Variants in SCFD2 observed in about 807,000 individuals in gnomAD.
The protein encoded by SCFD2 is sec1 family domain containing 2, also known as sec1 family domain-containing protein 2.
SCFD2 carries 54 observed loss-of-function variants against 58.9 expected under a neutral mutation model. The observed-to-expected ratio is 0.92, with a 90% CI of 0.74 to 1.15. The LOEUF (loss-of-function observed/expected upper bound fraction) is 1.15, where lower values mean the gene tolerates loss of function less well. SCFD2 is among the 50% of genes most tolerant of loss of function. The probability of loss-of-function intolerance (pLI) is 0.00; values close to 1 mark genes in which losing one functional copy is unlikely to be tolerated. For synonymous variants in SCFD2, 321 were observed against 335.9 expected (o/e 0.96, Z 0.49); for missense variants, 805 against 836.6 (o/e 0.96, Z 0.47).
chr4:52,887,013 T>C (rs1718756095), intron 7 of SCFD2, among the ~76,000 whole-genome samples: 1 of 152,258 alleles, frequency 6.6e-6, no homozygotes, highest in Non-Finnish European at 1.5e-5. Flanking sequence ...TTTGTTTACT[T>C]GTTGGCCATC....
At chr4:53,188,423 G>A (rs1399406658) in intron 4 of SCFD2, among the ~76,000 whole-genome samples, 737 of 37,844 alleles carry the variant, frequency 0.019, 4 homozygotes, top group Non-Finnish European at 0.033. Flanking sequence ...AAACTGGTGT[G>A]TGTGTGTGTG....
chr4:53,287,366 GAAA>G (rs1313335190), intron 3 of SCFD2, among the ~76,000 whole-genome samples: 3 of 152,104 alleles, frequency 2.0e-5, no homozygotes, highest in African/African-American at 7.2e-5. Context: ...CAACTGTGGG[GAAA>G]AAGAGAATAG....
At chr4:53,214,463 A>C (rs940113656) in intron 4 of SCFD2, among the ~76,000 whole-genome samples, 1 of 152,024 alleles carries the variant, frequency 6.6e-6, no homozygotes, top group Non-Finnish European at 1.5e-5. Flanking sequence ...TCTTTTGAGA[A>C]GTGTCTGTTC....
chr4:52,961,730 T>C (rs1720856269), intron 5 of SCFD2, among the ~76,000 whole-genome samples: 1 of 152,048 alleles, frequency 6.6e-6, no homozygotes, highest in Non-Finnish European at 1.5e-5. Context: ...ATGACAGAGG[T>C]AACATTTTAG....
intron 4 of SCFD2, among the ~76,000 whole-genome samples, chr4:53,251,287 C>G (rs1203834466): frequency 1.3e-5 from 2 of 151,976 alleles, no homozygotes; most frequent in Non-Finnish European, 2.9e-5. Context: ...GATTCACAGC[C>G]GAATTCTACC....
At chr4:53,224,444 T>A (rs969535467) in intron 4 of SCFD2, among the ~76,000 whole-genome samples, 1 of 151,824 alleles carries the variant, frequency 6.6e-6, no homozygotes, top group African/African-American at 2.4e-5. Flanking sequence ...GAACAATTTC[T>A]CTGGATACCT....
chr4:53,081,070 C>T (rs1724133187), intron 5 of SCFD2, among the ~76,000 whole-genome samples: 1 of 152,100 alleles, frequency 6.6e-6, no homozygotes, highest in South Asian at 2.1e-4. Context: ...TACGATCCAC[C>T]TCCTAATGCC....
At chr4:53,181,365 A>C (rs997495337) in intron 4 of SCFD2, among the ~76,000 whole-genome samples, 1 of 152,222 alleles carries the variant, frequency 6.6e-6, no homozygotes, top group African/African-American at 2.4e-5. Context: ...ACAAATCAAT[A>C]AATGTAATCC....
At chr4:53,016,555 ATTC>A (rs899312443) in intron 5 of SCFD2, among the ~76,000 whole-genome samples, 2 of 152,212 alleles carry the variant, frequency 1.3e-5, no homozygotes, top group African/African-American at 4.8e-5. Context: ...ATGCTTCAAG[ATTC>A]TTCTTTAGCT....
intron 4 of SCFD2, among the ~76,000 whole-genome samples, chr4:53,261,612 C>A (rs1434500265): frequency 1.3e-5 from 2 of 152,064 alleles, no homozygotes; most frequent in Non-Finnish European, 2.9e-5. Flanking sequence ...TATTTTCTTA[C>A]ATTTACTGAG....
chr4:52,886,321 C>T (rs541530057), intron 7 of SCFD2, among the ~76,000 whole-genome samples: 9 of 152,194 alleles, frequency 5.9e-5, no homozygotes, highest in Non-Finnish European at 8.8e-5. Flanking sequence ...CACCTGACTT[C>T]GGTTGGGGGA....
At chr4:53,078,681 G>C (rs1202111688) in intron 5 of SCFD2, among the ~76,000 whole-genome samples, 1 of 152,164 alleles carries the variant, frequency 6.6e-6, no homozygotes, top group Non-Finnish European at 1.5e-5. Context: ...CTAAGGTACA[G>C]AGAGGTTAAA....
At chr4:53,030,688 C>T (rs1310819752) in intron 5 of SCFD2, among the ~76,000 whole-genome samples, 2 of 152,154 alleles carry the variant, frequency 1.3e-5, no homozygotes, top group African/African-American at 2.4e-5. Context: ...TCCCAAAGTG[C>T]TGAGATCACA....
chr4:52,931,023 A>T (rs542711694), intron 5 of SCFD2, among the ~76,000 whole-genome samples: 12 of 152,302 alleles, frequency 7.9e-5, no homozygotes. Flanking sequence ...GTATACAGCC[A>T]CTTACGCCAG....
At chr4:52,995,819 C>T (rs968494956) in intron 5 of SCFD2, among the ~76,000 whole-genome samples, 1 of 152,208 alleles carries the variant, frequency 6.6e-6, no homozygotes, top group Non-Finnish European at 1.5e-5. Flanking sequence ...ATGCATTCCA[C>T]TGCTGTGTTA....
intron 3 of SCFD2, among the ~76,000 whole-genome samples, chr4:53,290,458 T>C (rs993647671): frequency 6.6e-6 from 1 of 152,104 alleles, no homozygotes; most frequent in African/African-American, 2.4e-5. Flanking sequence ...TCTTACCCTA[T>C]AGGTGAAGCA....
chr4:52,976,830 C>T (rs4864440), intron 5 of SCFD2, among the ~76,000 whole-genome samples: 63,299 of 151,994 alleles, frequency 0.42, 13,793 homozygotes, highest in Admixed American at 0.55. Flanking sequence ...GATTTTGGCA[C>T]TGGCTCTGAG....
At chr4:52,934,443 T>C (rs891264890) in intron 5 of SCFD2, among the ~76,000 whole-genome samples, 3 of 152,196 alleles carry the variant, frequency 2.0e-5, no homozygotes, top group African/African-American at 7.2e-5. Context: ...CACATAATTA[T>C]TCTGGAAAAA....
At chr4:52,876,920 T>A (rs1006608468) in intron 8 of SCFD2, among the ~76,000 whole-genome samples, 57 of 152,230 alleles carry the variant, frequency 3.7e-4, no homozygotes, top group African/African-American at 1.3e-3. Flanking sequence ...GACTTGGTGG[T>A]CTCCAGCACA....
Sources: gnomAD v4.1 joint callset for allele counts (sites outside exome capture counted in the v4.1 genomes callset) on GRCh38, gnomAD v4.1.1 for gene constraint, MANE v1.5 for transcripts, NCBI Gene and HGNC (gene_info 2026-07-23, HGNC 2026-07-21) for gene names.